PUDP: variants seen among roughly 807,000 people sequenced by gnomAD.
PUDP encodes the protein pseudouridine-5'-phosphatase.
In PUDP, 8 loss-of-function variants were observed where a neutral mutation model predicts 9.4. That is an observed-to-expected ratio of 0.85 (90% CI 0.50 to 1.53). PUDP has a LOEUF of 1.53. Ranked by LOEUF, PUDP falls within the 40% of genes most tolerant of loss-of-function variation. PUDP has a pLI of 0.00. For missense variants in PUDP, 188 were observed against 189.7 expected, an observed-to-expected ratio of 0.99 and a Z score of 0.05; for synonymous variants, 99 against 80.7, an observed-to-expected ratio of 1.23 and a Z score of -1.22.
intron 3 of PUDP, among the ~76,000 whole-genome samples, chrX:6,830,267 A>G (rs1053862069): frequency 9.0e-6 from 1 of 110,891 alleles, no homozygotes; most frequent in Non-Finnish European, 1.9e-5. Context: ...CTGGAGGCTG[A>G]GAAGGACTCT....
At chrX:6,775,188 A>G (rs1925429354) in intron 3 of PUDP, among the ~76,000 whole-genome samples, 1 of 112,017 alleles carries the variant, frequency 8.9e-6, no homozygotes, top group African/African-American at 3.2e-5. Flanking sequence ...ATTTCATATA[A>G]ATAGAGTGAT....
intron 3 of PUDP, among the ~76,000 whole-genome samples, chrX:7,065,496 G>A (rs995239775): frequency 8.0e-5 from 9 of 112,320 alleles, no homozygotes; most frequent in African/African-American, 2.9e-4. Flanking sequence ...CATCTACCCC[G>A]GTATTATTTC....
At chrX:6,791,318 C>CAAAAAAA (rs35244825) in intron 3 of PUDP, among the ~76,000 whole-genome samples, 1 of 82,501 alleles carries the variant, frequency 1.2e-5, no homozygotes, top group African/African-American at 4.6e-5. Context: ...GACTCTGTCT[C>CAAAAAAA]AAAAAAAAAA....
intron 1 of PUDP, among the ~76,000 whole-genome samples, chrX:7,033,817 G>A (rs1327914364): frequency 8.9e-6 from 1 of 112,158 alleles, no homozygotes; most frequent in Non-Finnish European, 1.9e-5. Flanking sequence ...AGTATCATGC[G>A]AACCCCAGAG....
At chrX:6,904,618 C>T (rs1927741343) in intron 3 of PUDP, among the ~76,000 whole-genome samples, 1 of 111,736 alleles carries the variant, frequency 8.9e-6, no homozygotes, top group Non-Finnish European at 1.9e-5. Context: ...GGTTTGTACT[C>T]TCAGCCATTC....
At chrX:6,921,171 C>A in intron 3 of PUDP, among the ~76,000 whole-genome samples, 1 of 110,721 alleles carries the variant, frequency 9.0e-6, no homozygotes, top group African/African-American at 3.3e-5. Flanking sequence ...ATCACTTGAG[C>A]TCAGGAGTTC....
intron 1 of PUDP, among the ~76,000 whole-genome samples, chrX:6,996,637 T>C (rs1273978463): frequency 6.6e-5 from 7 of 106,544 alleles, no homozygotes; most frequent in Non-Finnish European, 1.3e-4. Flanking sequence ...TGTGTATATA[T>C]ATATGTGTGT....
intron 1 of PUDP, among the ~76,000 whole-genome samples, chrX:7,134,599 G>C (rs760149191): frequency 2.7e-5 from 3 of 112,080 alleles, no homozygotes; most frequent in Non-Finnish European, 5.6e-5. Context: ...ACTAAACACA[G>C]GGTAGCAAAT....
At chrX:6,924,930 G>A (rs1928078838) in intron 3 of PUDP, among the ~76,000 whole-genome samples, 1 of 112,264 alleles carries the variant, frequency 8.9e-6, no homozygotes, top group Non-Finnish European at 1.9e-5. Flanking sequence ...AATGCTCGTG[G>A]GAAGACGAGC....
At position 6,728,999 on chromosome X, in the gene PUDP, G is replaced by A. The variant is rs761802934; in HGVS notation, c.*248-22533C>T. On this transcript the variant is annotated intron_variant and NMD_transcript_variant, in intron 3 of 3. Transcript: ENST00000655425. ...GCCCTGCAATTTGGGCTTGTCTGGC[G>A]CCTTTCTCATGATTAGACTAAGGTT... 3.5e-3 allele frequency among the ~76,000 whole-genome samples: 395 copies of A among 111,325 alleles called. 1 individual carries two copies. Among genetic ancestry groups the A allele is most frequent in the African/African-American group, 0.011 (352 of 30,609 alleles).
At chrX:6,998,403 C>G (rs1929278834) in intron 1 of PUDP, among the ~76,000 whole-genome samples, 1 of 111,433 alleles carries the variant, frequency 9.0e-6, no homozygotes, top group Non-Finnish European at 1.9e-5. Context: ...CAAAGTACTA[C>G]TCTTGTTCAA....
In PUDP at chrX:7,007,410, A is replaced by G. The variant is rs751326864; in HGVS notation, c.205-29067T>C. 4.5e-5 allele frequency among the ~76,000 whole-genome samples: 5 copies of G among 112,358 alleles called. No individual in the cohort carries two copies. In the South Asian group the frequency reaches 1.9e-3, roughly 42 times the overall value. On this transcript the variant is annotated intron_variant and NMD_transcript_variant, in intron 1 of 3. Transcript: ENST00000655425. ...CAAAAACCCTGTAAATATCAGTTCT[A>G]TGTGGAACTTGAGCTGGTTTCCCCC...
intron 3 of PUDP, among the ~76,000 whole-genome samples, chrX:6,964,905 T>C (rs1421389866): frequency 9.0e-6 from 1 of 111,279 alleles, no homozygotes; most frequent in Non-Finnish European, 1.9e-5. Context: ...CCTAGTACCA[T>C]CTCAATTCGT....
chrX:6,928,973 T>C (rs1190156223), intron 3 of PUDP, among the ~76,000 whole-genome samples: 1 of 111,830 alleles, frequency 8.9e-6, no homozygotes, highest in East Asian at 2.8e-4. Context: ...CTCTGACGTA[T>C]GTTAGGGACC....
chrX:7,006,308 G>A (rs1011606941), intron 1 of PUDP, among the ~76,000 whole-genome samples: 3 of 111,882 alleles, frequency 2.7e-5, no homozygotes, highest in African/African-American at 6.5e-5. Context: ...AGTGCAAAAG[G>A]GTTCCAATTT....
intron 3 of PUDP, among the ~76,000 whole-genome samples, chrX:6,780,126 G>A (rs762687828): frequency 9.2e-6 from 1 of 108,993 alleles, no homozygotes; most frequent in African/African-American, 3.4e-5. Flanking sequence ...GTGTATATAT[G>A]TATATATACA....
rs61162119 is a variant in PUDP at position 6,941,720 on chromosome X, A to G, written c.*247+35413T>C. Among the ~76,000 whole-genome samples the G allele has an allele frequency of 8.5e-4, 95 of 111,569 alleles. 1 individual carries two copies. In the East Asian group the frequency reaches 0.026, roughly 30 times the overall value. The stretch of plus-strand genomic sequence containing the variant: ...CCAGCTTTATTGAGGCATAAATAAC[A>G]AAGTAAAAATGCTGTATTTATTTAA... On this transcript the variant is annotated intron_variant and NMD_transcript_variant, in intron 3 of 3. Coordinates refer to the PUDP transcript ENST00000655425.
intron 1 of PUDP, among the ~76,000 whole-genome samples, chrX:6,709,211 T>C (rs749019747): frequency 6.3e-5 from 7 of 111,943 alleles, no homozygotes; most frequent in Non-Finnish European, 1.1e-4. Flanking sequence ...CCCAAGGTAT[T>C]TAGCATAGCA....
chrX:6,872,175 G>A (rs147266614), intron 3 of PUDP, among the ~76,000 whole-genome samples: 2,255 of 110,959 alleles, frequency 0.02, 61 homozygotes, highest in African/African-American at 0.071. Context: ...GAATTTGCAG[G>A]GGGTGGACAC....
Sources: allele counts gnomAD v4.1 joint callset (sites outside exome capture counted in the v4.1 genomes callset), GRCh38; gene constraint gnomAD v4.1.1; transcripts MANE v1.5; gene names NCBI Gene and HGNC (gene_info 2026-07-23, HGNC 2026-07-21).